The following MTUS2 variants were observed in gnomAD, a reference collection of about 807,000 sequenced individuals.
The protein encoded by MTUS2 is microtubule associated scaffold protein 2, also known as microtubule-associated tumor suppressor candidate 2.
A neutral mutation model predicts 114.1 loss-of-function variants in MTUS2; 40 were observed. The observed-to-expected ratio is 0.35, with a 90% CI of 0.27 to 0.46. The LOEUF is 0.46. Ranked by LOEUF, MTUS2 falls within the 20% of genes least tolerant of loss-of-function variation. MTUS2 has a pLI of 1.00. For synonymous variants in MTUS2, 688 were observed against 672.0 expected, an observed-to-expected ratio of 1.02 and a Z score of -0.37; for missense variants, 1,679 against 1,705.4, an observed-to-expected ratio of 0.98 and a Z score of 0.27.
chr13:29,495,373 A>AT (rs1555286729), intron 12 of MTUS2, among the ~76,000 whole-genome samples: 280 of 147,826 alleles, frequency 1.9e-3, no homozygotes, highest in Non-Finnish European at 3.4e-3. Context: ...AAAAAAAAAA[A>AT]AAAAAAAGGA....
At chr13:29,458,255 C>T (rs1879256160) in intron 9 of MTUS2, among the ~76,000 whole-genome samples, 3 of 152,160 alleles carry the variant, frequency 2.0e-5, no homozygotes. Context: ...TAAATCTCAG[C>T]ACTTAAAGAC....
At chr13:28,847,129 T>C (rs1875940553) in intron 2 of MTUS2, among the ~76,000 whole-genome samples, 1 of 152,188 alleles carries the variant, frequency 6.6e-6, no homozygotes, top group African/African-American at 2.4e-5. Flanking sequence ...GTGTGCTGTA[T>C]TGTATTTAGG....
chr13:29,418,221 G>A (rs866940760), intron 8 of MTUS2, among the ~76,000 whole-genome samples: 1 of 152,114 alleles, frequency 6.6e-6, no homozygotes, highest in African/African-American at 2.4e-5. Flanking sequence ...TCGGTAAAAG[G>A]CAATAGGTCC....
intron 6 of MTUS2, chr13:29,306,729 C>G: frequency 3.5e-6 from 1 of 288,214 alleles, no homozygotes; most frequent in South Asian, 3.0e-5. Context: ...TCCTGTTCGA[C>G]AGACAGCCAC....
At chr13:29,483,538 G>A (rs916834955) in intron 10 of MTUS2, among the ~76,000 whole-genome samples, 11 of 152,144 alleles carry the variant, frequency 7.2e-5, no homozygotes, top group Non-Finnish European at 1.6e-4. Flanking sequence ...CCTGGCAGCG[G>A]GTTGTTTTTG....
At chr13:29,015,553 ATG>A (rs1483209273) in intron 2 of MTUS2, among the ~76,000 whole-genome samples, 1 of 152,216 alleles carries the variant, frequency 6.6e-6, no homozygotes, top group Non-Finnish European at 1.5e-5. Context: ...AAAGATGCAA[ATG>A]TGCATACCCG....
chr13:29,390,792 A>ATGATGT (rs1873385229), intron 8 of MTUS2, among the ~76,000 whole-genome samples: 1 of 150,594 alleles, frequency 6.6e-6, no homozygotes, highest in Non-Finnish European at 1.5e-5. Context: ...GATGATGATG[A>ATGATGT]TGATGATTGA....
chr13:28,997,957 CGTTA>C (rs1393403834), intron 2 of MTUS2, among the ~76,000 whole-genome samples: 1 of 152,086 alleles, frequency 6.6e-6, no homozygotes, highest in Non-Finnish European at 1.5e-5. Context: ...TTATTTTGCT[CGTTA>C]GTTGATGCAG....
At chr13:29,093,594 G>A (rs572930601) in intron 4 of MTUS2, among the ~76,000 whole-genome samples, 2 of 152,118 alleles carry the variant, frequency 1.3e-5, no homozygotes, top group Non-Finnish European at 2.9e-5. Flanking sequence ...GTTGATTTCT[G>A]TATGTTGAAT....
Position 29,503,173 on chromosome 13 carries a change from C to G in MTUS2, c.4077C>G (p.Ser1359=), listed in dbSNP as rs759350159. Reference sequence around the variant, plus strand: ...ACCGCGGCTCCTCCTCGGGGCCCTCCTCTCCGGCCAGAGTCAGCACAACAC... The same window carrying G: ...ACCGCGGCTCCTCCTCGGGGCCCTCGTCTCCGGCCAGAGTCAGCACAACAC... The part of the protein sequence containing the change: ...PVYRGSSSGP[S]SPARVSTTPR The change falls in exon 16 of 16, where the codon TCC becomes TCG. Residue 1359 remains serine (S), a synonymous_variant. Transcript: ENST00000612955. The G allele has an allele frequency of 2.6e-5, 42 of 1,614,144 alleles. No individual in the cohort carries two copies. The highest frequency in any genetic ancestry group is 3.6e-5 in the Non-Finnish European group (42 of 1,180,052).
intron 4 of MTUS2, among the ~76,000 whole-genome samples, chr13:29,048,973 G>T (rs1402631596): frequency 6.6e-6 from 1 of 152,196 alleles, no homozygotes; most frequent in East Asian, 1.9e-4. Context: ...GGAAGAGTCT[G>T]ATCATTCTGG....
intron 1 of MTUS2, among the ~76,000 whole-genome samples, chr13:28,822,278 T>C (rs541963451): frequency 6.6e-6 from 1 of 152,318 alleles, no homozygotes; most frequent in East Asian, 1.9e-4. Context: ...GTGCTTTTGG[T>C]ACTCCATTAA....
intron 9 of MTUS2, among the ~76,000 whole-genome samples, chr13:29,468,191 C>T (rs1421588658): frequency 1.3e-5 from 2 of 152,156 alleles, no homozygotes; most frequent in African/African-American, 4.8e-5. Flanking sequence ...GAGCTTTAAA[C>T]TAATCAGGAT....
chr13:29,100,696 G>T, intron 4 of MTUS2, 77 bp from the exon 5 acceptor site: 1 of 1,477,640 alleles, frequency 6.8e-7, no homozygotes, highest in South Asian at 1.2e-5. Context: ...AACTGGGTTC[G>T]AATTCATAAT....
At chr13:28,900,839 C>T (rs1260422229) in intron 2 of MTUS2, among the ~76,000 whole-genome samples, 4 of 152,152 alleles carry the variant, frequency 2.6e-5, no homozygotes, top group South Asian at 4.2e-4. Flanking sequence ...CTCAATTCAG[C>T]GCTTAACATT....
intron 2 of MTUS2, among the ~76,000 whole-genome samples, chr13:28,850,363 C>T (rs76712639): frequency 0.033 from 5,025 of 152,278 alleles, 130 homozygotes; most frequent in Non-Finnish European, 0.051. Context: ...GTGTGTGTCT[C>T]TTGTTGTGCT....
intron 2 of MTUS2, among the ~76,000 whole-genome samples, chr13:28,876,009 T>A (rs1294160585): frequency 6.6e-6 from 1 of 152,264 alleles, no homozygotes; most frequent in Admixed American, 6.5e-5. Context: ...TCTGAAATGC[T>A]GCTATTTAAA....
intron 2 of MTUS2, among the ~76,000 whole-genome samples, chr13:29,020,356 T>G (rs547316476): frequency 6.6e-6 from 1 of 152,356 alleles, no homozygotes; most frequent in East Asian, 1.9e-4. Flanking sequence ...TTGTATTATG[T>G]ACAAGTTTGA....
Position 28,976,730 on chromosome 13 carries a change from GATTAT to G in MTUS2, c.-242-47719_-242-47715del, listed in dbSNP as rs1300559597. Among the ~76,000 whole-genome samples the G allele has an allele frequency of 2.0e-5, 3 of 152,298 alleles. No homozygotes were observed. The East Asian group carries it at 5.8e-4, about 29-fold the overall frequency. ...TCTAAATGGGCTGTGGTGAGGGAAT[GATTAT>G]ATTATATGTATACTAGGGTGCATGA... On this transcript the variant is annotated intron_variant, in intron 2 of 15. Transcript: ENST00000612955.
Sources: allele counts gnomAD v4.1 joint callset (sites outside exome capture counted in the v4.1 genomes callset), GRCh38; gene constraint gnomAD v4.1.1; transcripts MANE v1.5; gene names NCBI Gene and HGNC (gene_info 2026-07-23, HGNC 2026-07-21).